DIS3L2: variants seen among roughly 807,000 people sequenced by gnomAD.
The protein encoded by DIS3L2 is DIS3-like exonuclease 2.
DIS3L2 carries 34 observed loss-of-function variants against 97.5 expected under a neutral mutation model. The ratio of observed to expected loss-of-function variants is 0.35; its 90% confidence interval spans 0.27 to 0.46. The LOEUF (loss-of-function observed/expected upper bound fraction) is 0.46. DIS3L2 is among the 20% of genes least tolerant of loss of function. The probability of loss-of-function intolerance (pLI) is 1.00; values close to 1 mark genes in which losing one functional copy is unlikely to be tolerated. For synonymous variants in DIS3L2, 435 were observed against 445.2 expected (o/e 0.98, Z 0.29); for missense variants, 1,038 against 1,146.0 (o/e 0.91, Z 1.36).
chr2:232,109,030 C>T lies in DIS3L2; in HGVS notation c.601+21309C>T, dbSNP rs187830415. On this transcript the variant is annotated intron_variant, in intron 6 of 20. Transcript: ENST00000325385. ...GCTATTCCCATTAAACTACCATTGA[C>T]ATTCTTCACAGAATTAGAAAAACTA... 2.8e-3 allele frequency among the ~76,000 whole-genome samples: 432 copies of T among 152,340 alleles called. 1 individual carries two copies. The highest frequency in any genetic ancestry group is 4.7e-3 in the Non-Finnish European group (320 of 68,028).
intron 13 of DIS3L2, among the ~76,000 whole-genome samples, chr2:232,279,638 C>T (rs1694233021): frequency 6.6e-6 from 1 of 152,152 alleles, no homozygotes; most frequent in Non-Finnish European, 1.5e-5. Context: ...GAGTGATTCT[C>T]CTGCCTCAGC....
downstream of DIS3L2, among the ~76,000 whole-genome samples, chr2:232,341,321 C>G (rs1279696790): frequency 2.0e-5 from 3 of 152,196 alleles, no homozygotes; most frequent in Non-Finnish European, 4.4e-5. Flanking sequence ...CCCAGGGCAG[C>G]AGTAGAGTGA....
chr2:232,167,417 ATAT>A (rs771638573), intron 9 of DIS3L2, among the ~76,000 whole-genome samples: 4 of 152,218 alleles, frequency 2.6e-5, no homozygotes, highest in Non-Finnish European at 5.9e-5. Context: ...TGGTTGAATA[ATAT>A]TCTTTATTTA....
At chr2:232,009,486 G>C (rs1421691318) in intron 1 of DIS3L2, among the ~76,000 whole-genome samples, 1 of 151,972 alleles carries the variant, frequency 6.6e-6, no homozygotes, top group African/African-American at 2.4e-5. Context: ...TTTTCAGTAT[G>C]GCTGTCAAGT....
At chr2:232,342,227 A>G (rs764870782) in intron 13 of DIS3L2, among the ~76,000 whole-genome samples, 1 of 149,434 alleles carries the variant, frequency 6.7e-6, no homozygotes, top group African/African-American at 2.5e-5. Context: ...ATACACATAC[A>G]TATATACACA....
At chr2:232,105,382 CAG>C (rs1697331709) in intron 6 of DIS3L2, among the ~76,000 whole-genome samples, 1 of 152,092 alleles carries the variant, frequency 6.6e-6, no homozygotes, top group African/African-American at 2.4e-5. Context: ...GGGGGGTTAA[CAG>C]AAACTGAAAA....
intron 13 of DIS3L2, among the ~76,000 whole-genome samples, chr2:232,342,271 ACATATATACACATATATG>A (rs1353701989): frequency 5.9e-5 from 9 of 151,448 alleles, no homozygotes; most frequent in East Asian, 1.9e-4. Context: ...ATACACATAT[ACATATATACACATATATG>A]CATATATACA....
At chr2:232,309,235 G>A (rs4973039) in intron 14 of DIS3L2, among the ~76,000 whole-genome samples, 20,463 of 152,194 alleles carry the variant, frequency 0.13, 1,920 homozygotes, top group South Asian at 0.35. Context: ...TAGGTAGTGA[G>A]TGAGCCACTC....
chr2:232,237,569 A>G, intron 10 of DIS3L2, among the ~76,000 whole-genome samples: 1 of 152,084 alleles, frequency 6.6e-6, no homozygotes, highest in East Asian at 1.9e-4. Context: ...CAAACACACA[A>G]GCCGATAGAG....
At chr2:232,246,957 T>C (rs929417983) in intron 11 of DIS3L2, among the ~76,000 whole-genome samples, 23 of 152,424 alleles carry the variant, frequency 1.5e-4, no homozygotes, top group Admixed American at 4.6e-4. Flanking sequence ...TTTCCATCAG[T>C]GTTTTCTTTC....
intron 10 of DIS3L2, among the ~76,000 whole-genome samples, chr2:232,220,790 G>GT: frequency 6.6e-6 from 1 of 152,054 alleles, no homozygotes; most frequent in Non-Finnish European, 1.5e-5. Context: ...TGCCATGTTG[G>GT]TGAGACATTG....
At chr2:232,341,043 G>T (rs537185932), downstream of DIS3L2, 1 of 412,408 alleles carries the variant, frequency 2.4e-6, no homozygotes, top group Non-Finnish European at 4.8e-6. Flanking sequence ...CAAAACAAGG[G>T]CCCTTGGAGG....
chr2:232,291,598 C>T (rs1449700684), intron 13 of DIS3L2, among the ~76,000 whole-genome samples: 4 of 152,258 alleles, frequency 2.6e-5, no homozygotes, highest in South Asian at 2.1e-4. Context: ...TCACAGGCCT[C>T]CTGGAGAACC....
At chr2:232,264,528 C>G (rs761619051) in intron 13 of DIS3L2, among the ~76,000 whole-genome samples, 7 of 152,048 alleles carry the variant, frequency 4.6e-5, no homozygotes, top group Non-Finnish European at 1.0e-4. Context: ...GTATTATGGA[C>G]TTTTTTTCTC....
chr2:232,302,573 A>C (rs561551016), intron 14 of DIS3L2, among the ~76,000 whole-genome samples: 40 of 80,852 alleles, frequency 4.9e-4, no homozygotes, highest in Non-Finnish European at 9.5e-4. Flanking sequence ...TTTTTTTTCT[A>C]TTTTTTGAGA....
intron 9 of DIS3L2, among the ~76,000 whole-genome samples, chr2:232,199,476 G>A (rs1459189642): frequency 6.6e-6 from 1 of 152,148 alleles, no homozygotes; most frequent in Non-Finnish European, 1.5e-5. Context: ...CAAGATGTGG[G>A]TTTATCTGTG....
intron 5 of DIS3L2, among the ~76,000 whole-genome samples, chr2:232,072,830 T>TGCTGTG (rs1696068390): frequency 1.7e-5 from 2 of 116,488 alleles, no homozygotes; most frequent in African/African-American, 7.1e-5. Context: ...TGCTGTGTGT[T>TGCTGTG]TGAGAGAAGG....
At chr2:232,168,820 A>G (rs1316319596) in intron 9 of DIS3L2, among the ~76,000 whole-genome samples, 1 of 152,228 alleles carries the variant, frequency 6.6e-6, no homozygotes, top group Non-Finnish European at 1.5e-5. Context: ...GTTGGTTAGC[A>G]TGCAGTACTG....
chr2:232,129,982 C>G (rs1284441376), intron 6 of DIS3L2, among the ~76,000 whole-genome samples: 1 of 152,138 alleles, frequency 6.6e-6, no homozygotes, highest in Non-Finnish European at 1.5e-5. Context: ...CTGCCTCTTT[C>G]CTCAGGAGAT....
Sources: allele counts gnomAD v4.1 joint callset (sites outside exome capture counted in the v4.1 genomes callset), GRCh38; gene constraint gnomAD v4.1.1; transcripts MANE v1.5; gene names NCBI Gene and HGNC (gene_info 2026-07-23, HGNC 2026-07-21).